ALMS1: variants seen among roughly 807,000 people sequenced by gnomAD.
ALMS1 encodes the protein centrosome-associated protein ALMS1.
ALMS1 carries 271 observed loss-of-function variants against 352.2 expected under a neutral mutation model. That is an observed-to-expected ratio of 0.77 (90% CI 0.70 to 0.85). The LOEUF (loss-of-function observed/expected upper bound fraction) is 0.85, where lower values mean the gene tolerates loss of function less well. ALMS1 is among the 40% of genes least tolerant of loss of function. ALMS1 has a pLI of 0.00. For missense variants in ALMS1, 5,445 were observed against 4,870.7 expected (o/e 1.12, Z -3.51); for synonymous variants, 1,865 against 1,761.2 (o/e 1.06, Z -1.48).
chr2:73,587,810 A>G (rs1161188397), intron 16 of ALMS1, among the ~76,000 whole-genome samples: 1 of 152,224 alleles, frequency 6.6e-6, no homozygotes, highest in East Asian at 1.9e-4. Context: ...GATCCAAGTA[A>G]ACTCAATTAG....
chr2:73,440,065 C>T (rs1369463393), intron 7 of ALMS1, among the ~76,000 whole-genome samples: 4 of 152,114 alleles, frequency 2.6e-5, no homozygotes, highest in Non-Finnish European at 5.9e-5. Context: ...ACTGCAAGCT[C>T]CGCCTCCCGG....
intron 10 of ALMS1, among the ~76,000 whole-genome samples, chr2:73,508,070 CA>C (rs1673369413): frequency 6.6e-6 from 1 of 151,992 alleles, no homozygotes; most frequent in African/African-American, 2.4e-5. Context: ...ATTTAGTTTC[CA>C]TGTAGTTGTG....
chr2:73,523,239 G>T (rs1349826498), intron 11 of ALMS1, among the ~76,000 whole-genome samples: 1 of 152,142 alleles, frequency 6.6e-6, no homozygotes, highest in Non-Finnish European at 1.5e-5. Flanking sequence ...TCAGTAAATA[G>T]CTTGCTCACT....
chr2:73,608,389 A>C, intron 21 of ALMS1, 86 bp from the exon 22 acceptor site: 2 of 1,042,960 alleles, frequency 1.9e-6, no homozygotes, highest in South Asian at 2.5e-5. Context: ...TGGGAGGTAT[A>C]GGGAGGGATG....
intron 4 of ALMS1, among the ~76,000 whole-genome samples, chr2:73,423,302 C>T (rs971521024): frequency 1.1e-4 from 17 of 152,300 alleles, no homozygotes; most frequent in African/African-American, 4.1e-4. Context: ...TCTCTCCTCC[C>T]TCTCACCCTT....
At chr2:73,524,901 G>A (rs1572994980) in intron 11 of ALMS1, among the ~76,000 whole-genome samples, 1 of 152,182 alleles carries the variant, frequency 6.6e-6, no homozygotes, top group African/African-American at 2.4e-5. Context: ...ACCCTTCCCA[G>A]TCTCTGGTAG....
chr2:73,552,331 A>G (rs1265513414), intron 13 of ALMS1, among the ~76,000 whole-genome samples: 1 of 152,248 alleles, frequency 6.6e-6, no homozygotes, highest in Admixed American at 6.5e-5. Flanking sequence ...ATAATTTTAC[A>G]AAATATAGTT....
intron 9 of ALMS1, among the ~76,000 whole-genome samples, chr2:73,462,367 G>C (rs1672223707): frequency 6.6e-6 from 1 of 152,186 alleles, no homozygotes; most frequent in South Asian, 2.1e-4. Flanking sequence ...AGCTTCATAA[G>C]TGAAGGAGAA....
intron 12 of ALMS1, among the ~76,000 whole-genome samples, chr2:73,536,815 A>C (rs1421879078): frequency 6.6e-6 from 1 of 152,220 alleles, no homozygotes; most frequent in African/African-American, 2.4e-5. Context: ...AAATGTCTGC[A>C]AATAAACCAG....
intron 15 of ALMS1, among the ~76,000 whole-genome samples, chr2:73,571,733 T>G (rs1355568118): frequency 6.6e-6 from 1 of 151,944 alleles, no homozygotes; most frequent in African/African-American, 2.4e-5. Context: ...AAAAAAAATT[T>G]GGAAAAAAAG....
At chr2:73,594,344 T>C (rs1030021105) in intron 16 of ALMS1, among the ~76,000 whole-genome samples, 1 of 152,264 alleles carries the variant, frequency 6.6e-6, no homozygotes, top group East Asian at 1.9e-4. Context: ...TACCTTTTTA[T>C]AGGCAAGCAT....
At chr2:73,503,548 G>A (rs1190628670) in intron 10 of ALMS1, among the ~76,000 whole-genome samples, 3 of 152,060 alleles carry the variant, frequency 2.0e-5, no homozygotes, top group Admixed American at 6.6e-5. Context: ...GAATAGTGCC[G>A]CAATAAACAT....
At chr2:73,481,808 G>A (rs1046506953) in intron 9 of ALMS1, among the ~76,000 whole-genome samples, 1 of 151,184 alleles carries the variant, frequency 6.6e-6, no homozygotes, top group Non-Finnish European at 1.5e-5. Context: ...TTGTAAGTTG[G>A]ATTCCTAGGT....
In ALMS1 at chr2:73,490,950, GAAT is replaced by G. The variant is rs1553409817; in HGVS notation, c.8995_8997del (p.Asn2999del). 1.9e-6 allele frequency: 3 copies of G among 1,614,174 alleles called. No individual in the cohort carries two copies. Among genetic ancestry groups the G allele is most frequent in the Non-Finnish European group, 2.5e-6 (3 of 1,180,018 alleles). On this transcript the variant is annotated inframe_deletion, in exon 10 of 23. Transcript: ENST00000613296. The stretch of plus-strand genomic sequence containing the variant: ...AAGGTCAGGATTGTGTAGTGGAAAA[GAAT>G]AATCAACATAAGCCTAAATCACACA...
rs577903841 is a variant in ALMS1 at position 73,509,523 on chromosome 2, A to G, written c.9540-10252A>G. 8.5e-5 allele frequency among the ~76,000 whole-genome samples: 13 copies of G among 152,188 alleles called. No homozygotes were observed. In the South Asian group the frequency reaches 2.5e-3, roughly 29 times the overall value. ...TATTTCTCCTTCACTTATGATGCTT[A>G]GTTTGGCGGGATATGAAATTCTGGG... On this transcript the variant is annotated intron_variant, in intron 10 of 22. Coordinates refer to ENST00000613296, the MANE Select transcript of ALMS1 (RefSeq NM_001378454.1).
In ALMS1 at chr2:73,550,321, A is replaced by G. The variant is rs773108952; in HGVS notation, c.9962A>G (p.Asp3321Gly). 2 of 1,614,150 alleles carry G rather than the reference A, an allele frequency of 1.2e-6. No individual in the cohort carries two copies. Among genetic ancestry groups the G allele is most frequent in the Non-Finnish European group, 8.5e-7 (1 of 1,180,012 alleles). ...DFPAQVLGTR[D>G]DDLSATVNIK... Reference sequence around the variant, plus strand: ...CCAGCTCAGGTGCTAGGCACAAGAGATGATGACCTCTCAGCCACTGTTAAC... The same window carrying G: ...CCAGCTCAGGTGCTAGGCACAAGAGGTGATGACCTCTCAGCCACTGTTAAC... The change falls in exon 13 of 23, where the codon GAT (aspartate) becomes GGT (glycine). Residue 3321 changes from aspartate to glycine, a missense_variant. Physicochemically the swap from Asp to Gly is moderately conservative, Grantham distance 94 (BLOSUM62 -1). Transcript: ENST00000613296.
intron 16 of ALMS1, among the ~76,000 whole-genome samples, chr2:73,593,494 G>A (rs1393453894): frequency 6.6e-6 from 1 of 152,122 alleles, no homozygotes; most frequent in African/African-American, 2.4e-5. Flanking sequence ...GAACTATAGA[G>A]TATAACCTTT....
chr2:73,511,334 C>T lies in ALMS1; in HGVS notation c.9540-8441C>T, dbSNP rs542520757. 3.3e-5 allele frequency among the ~76,000 whole-genome samples: 5 copies of T among 152,206 alleles called. No homozygotes were observed. In the South Asian group the frequency reaches 1.0e-3, roughly 32 times the overall value. On this transcript the variant is annotated intron_variant, in intron 10 of 22. Transcript: ENST00000613296. Reference sequence around the variant, plus strand: ...TGGTGGTATAGGCACCCAAGGGAATCTCCTGGTCTGTGGGTTTCGAAGACT... The same window carrying T: ...TGGTGGTATAGGCACCCAAGGGAATTTCCTGGTCTGTGGGTTTCGAAGACT...
chr2:73,515,294 A>G (rs1399394141), intron 10 of ALMS1, among the ~76,000 whole-genome samples: 1 of 152,004 alleles, frequency 6.6e-6, no homozygotes, highest in Admixed American at 6.6e-5. Context: ...GAGATTTTCC[A>G]TATTTTATCT....
Sources: gnomAD v4.1 joint callset for allele counts (sites outside exome capture counted in the v4.1 genomes callset) on GRCh38, gnomAD v4.1.1 for gene constraint, MANE v1.5 for transcripts, NCBI Gene and HGNC (gene_info 2026-07-23, HGNC 2026-07-21) for gene names.